Variants in EDA observed in about 807,000 individuals in gnomAD.
EDA encodes ectodysplasin-A.
Under a neutral mutation model 23.6 loss-of-function variants are expected in EDA, and 2 were observed. That is an observed-to-expected ratio of 0.08 (90% CI 0.03 to 0.27). EDA has a LOEUF of 0.27. Among genes scored for constraint, EDA ranks in the 10% least tolerant of loss-of-function variants. The pLI is 1.00. For synonymous variants in EDA, 131 were observed against 132.0 expected (o/e 0.99, Z 0.05); for missense variants, 229 against 324.2 (o/e 0.71, Z 2.26).
chrX:69,770,550 T>C (rs748366267), intron 1 of EDA, among the ~76,000 whole-genome samples: 4 of 111,825 alleles, frequency 3.6e-5, no homozygotes, highest in Non-Finnish European at 5.6e-5. Flanking sequence ...GAAATAGCTC[T>C]TCAAATCTCC....
intron 1 of EDA, among the ~76,000 whole-genome samples, chrX:69,712,527 A>G (rs1298014180): frequency 1.8e-5 from 2 of 111,402 alleles, no homozygotes; most frequent in Middle Eastern, 4.2e-3. Flanking sequence ...TCTCACACCA[A>G]TTAGAATGGC....
intron 1 of EDA, among the ~76,000 whole-genome samples, chrX:69,637,313 C>T (rs1037671964): frequency 1.8e-5 from 2 of 110,820 alleles, no homozygotes; most frequent in East Asian, 2.8e-4. Context: ...GAACTGAGCA[C>T]GTTATCTGGT....
chrX:69,875,536 A>C (rs893587289), intron 1 of EDA, among the ~76,000 whole-genome samples: 1 of 112,278 alleles, frequency 8.9e-6, no homozygotes, highest in Admixed American at 9.4e-5. Context: ...AAATTCTAGA[A>C]GATAACATCA....
intron 2 of EDA, among the ~76,000 whole-genome samples, chrX:70,022,390 T>G (rs112795624): frequency 0.18 from 19,994 of 108,786 alleles, 1,682 homozygotes; most frequent in Middle Eastern, 0.35. Flanking sequence ...CAGGCTGGAG[T>G]GTAGAGCGTG....
intron 1 of EDA, among the ~76,000 whole-genome samples, chrX:69,724,452 G>C (rs758357686): frequency 1.8e-5 from 2 of 111,082 alleles, no homozygotes; most frequent in Non-Finnish European, 3.8e-5. Flanking sequence ...TCCTTAGACT[G>C]CTTCCACAGT....
At position 69,862,809 on chromosome X, in the gene EDA, G is replaced by C. The variant is rs766872049; in HGVS notation, c.397-94218G>C. On this transcript the variant is annotated intron_variant, in intron 1 of 7. Coordinates refer to ENST00000374552, the MANE Select transcript of EDA (RefSeq NM_001399.5). ...GAAGTAGAGTAACTACAACACAAATGCCTGCATAATGTGGTACTTACTAGA... is the reference window on the plus strand; with the variant it reads ...GAAGTAGAGTAACTACAACACAAATCCCTGCATAATGTGGTACTTACTAGA... 1.1e-3 allele frequency among the ~76,000 whole-genome samples: 123 copies of C among 110,875 alleles called. 1 individual carries two copies. Among genetic ancestry groups the C allele is most frequent in the Non-Finnish European group, 4.9e-4 (26 of 52,982 alleles).
chrX:69,813,161 A>G (rs1389244954), intron 1 of EDA, among the ~76,000 whole-genome samples: 1 of 111,315 alleles, frequency 9.0e-6, no homozygotes, highest in African/African-American at 3.3e-5. Flanking sequence ...AACCTTGACT[A>G]CCTTTCTCAT....
At chrX:69,885,554 A>G (rs759964755) in intron 1 of EDA, among the ~76,000 whole-genome samples, 1 of 112,116 alleles carries the variant, frequency 8.9e-6, no homozygotes, top group Non-Finnish European at 1.9e-5. Flanking sequence ...GGAGAGTGCC[A>G]TCAACAAGAT....
In EDA at chrX:69,790,029, C is replaced by T. The variant is rs1355179452; in HGVS notation, c.397-166998C>T. On this transcript the variant is annotated intron_variant, in intron 1 of 7. Transcript: ENST00000374552. ...GTTTATTATGTGAGCACATCTTGAG[C>T]ATCTTGAGTACTTTTGGCTTATCAG... 5.4e-5 allele frequency among the ~76,000 whole-genome samples: 6 copies of T among 111,663 alleles called. No individual in the cohort carries two copies. In the Admixed American group the frequency reaches 5.7e-4, roughly 11 times the overall value.
At chrX:69,803,590 G>A (rs1313999352) in intron 1 of EDA, among the ~76,000 whole-genome samples, 3 of 110,998 alleles carry the variant, frequency 2.7e-5, no homozygotes, top group Non-Finnish European at 5.7e-5. Context: ...TTTTGCTGTC[G>A]CCGTAATGTA....
At chrX:69,747,483 A>G (rs764218767) in intron 1 of EDA, among the ~76,000 whole-genome samples, 11 of 112,545 alleles carry the variant, frequency 9.8e-5, no homozygotes, top group Non-Finnish European at 1.3e-4. Context: ...AGTGCAGTTA[A>G]AAGATATTGT....
chrX:69,680,186 T>G (rs1454335802), intron 1 of EDA, among the ~76,000 whole-genome samples: 1 of 99,284 alleles, frequency 1.0e-5, no homozygotes, highest in Non-Finnish European at 2.0e-5. Context: ...GTCTGAGAGA[T>G]AGTTTGTTAT....
chrX:69,785,970 C>A (rs886265747), intron 1 of EDA, among the ~76,000 whole-genome samples: 1 of 110,900 alleles, frequency 9.0e-6, no homozygotes, highest in African/African-American at 3.3e-5. Flanking sequence ...GCAATTTCAG[C>A]TCCTGTTATT....
intron 1 of EDA, among the ~76,000 whole-genome samples, chrX:69,678,093 G>T (rs1277444153): frequency 7.2e-5 from 8 of 111,054 alleles, no homozygotes; most frequent in African/African-American, 2.3e-4. Flanking sequence ...TTTCCCCATT[G>T]CTTGTTTTTG....
intron 1 of EDA, among the ~76,000 whole-genome samples, chrX:69,904,632 G>T (rs1031474154): frequency 8.9e-6 from 1 of 112,249 alleles, no homozygotes; most frequent in African/African-American, 3.2e-5. Context: ...TTACAGGCAT[G>T]AGCCATCGTG....
intron 1 of EDA, among the ~76,000 whole-genome samples, chrX:69,804,842 T>C (rs757501852): frequency 8.9e-6 from 1 of 111,785 alleles, no homozygotes; most frequent in Non-Finnish European, 1.9e-5. Flanking sequence ...TTACAATAAA[T>C]GTCTACCACA....
intron 1 of EDA, among the ~76,000 whole-genome samples, chrX:69,897,152 A>G (rs1361894769): frequency 5.5e-5 from 6 of 109,155 alleles, no homozygotes; most frequent in Non-Finnish European, 1.1e-4. Flanking sequence ...CTTTCTTATT[A>G]CCTGTCCTTC....
At chrX:69,660,461 A>G (rs1300538566) in intron 1 of EDA, among the ~76,000 whole-genome samples, 1 of 110,239 alleles carries the variant, frequency 9.1e-6, no homozygotes, top group East Asian at 2.8e-4. Context: ...CATTTACATT[A>G]GGTATATCTC....
intron 2 of EDA, among the ~76,000 whole-genome samples, chrX:69,966,356 G>C (rs1055565055): frequency 9.0e-5 from 10 of 111,274 alleles, no homozygotes; most frequent in African/African-American, 3.3e-4. Context: ...GAGGCAGGTG[G>C]ATCACCTGAG....
Sources: gnomAD v4.1 joint callset for allele counts (sites outside exome capture counted in the v4.1 genomes callset) on GRCh38, gnomAD v4.1.1 for gene constraint, MANE v1.5 for transcripts, NCBI Gene and HGNC (gene_info 2026-07-23, HGNC 2026-07-21) for gene names.